Variants in TBC1D32 observed in about 807,000 individuals in gnomAD.
TBC1D32 encodes the protein protein broad-minded.
In TBC1D32, 151 loss-of-function variants were observed where a neutral mutation model predicts 170.3. That is an observed-to-expected ratio of 0.89 (90% CI 0.78 to 1.01). The LOEUF is 1.01. TBC1D32 is among the 50% of genes least tolerant of loss of function. TBC1D32 has a pLI of 0.00. For synonymous variants in TBC1D32, 498 were observed against 488.0 expected (o/e 1.02, Z -0.27); for missense variants, 1,464 against 1,457.1 (o/e 1.00, Z -0.08).
At chr6:121,156,923 C>A (rs1239543403) in intron 24 of TBC1D32, among the ~76,000 whole-genome samples, 1 of 151,954 alleles carries the variant, frequency 6.6e-6, no homozygotes, top group Non-Finnish European at 1.5e-5. Flanking sequence ...GTTTTATGGC[C>A]AAGCATATGG....
In TBC1D32 at chr6:121,224,196, G is replaced by C. The variant is rs148729701; in HGVS notation, c.2365-844C>G. Among the ~76,000 whole-genome samples the C allele has an allele frequency of 2.0e-5, 3 of 152,186 alleles. 1 individual carries two copies. The highest frequency in any genetic ancestry group is 4.4e-5 in the Non-Finnish European group (3 of 67,998). ...CACCTATACATACTTTTTTATCCTAGTAACACACTTCTCCTGCCCTCCACT... is the reference window on the plus strand; with the variant it reads ...CACCTATACATACTTTTTTATCCTACTAACACACTTCTCCTGCCCTCCACT... On this transcript the variant is annotated intron_variant, in intron 20 of 31. Coordinates refer to ENST00000398212, the MANE Select transcript of TBC1D32 (RefSeq NM_152730.6).
chr6:121,322,686 T>C (rs568772769), intron 1 of TBC1D32, among the ~76,000 whole-genome samples: 20 of 152,240 alleles, frequency 1.3e-4, no homozygotes, highest in Non-Finnish European at 2.6e-4. Context: ...TTCTACACTG[T>C]TGGTAGACTT....
intron 7 of TBC1D32, 47 bp downstream of exon 7, chr6:121,304,475 T>C: frequency 6.2e-7 from 1 of 1,602,100 alleles, no homozygotes; most frequent in Non-Finnish European, 8.5e-7. Flanking sequence ...TCCTCAAATA[T>C]AAAACTAAAT....
chr6:121,220,744 G>C (rs1794418501), intron 21 of TBC1D32, among the ~76,000 whole-genome samples: 1 of 149,954 alleles, frequency 6.7e-6, no homozygotes, highest in African/African-American at 2.5e-5. Context: ...AGGTTCGAGT[G>C]ATTCTCCTGC....
intron 24 of TBC1D32, among the ~76,000 whole-genome samples, chr6:121,154,035 G>A (rs1487658757): frequency 2.2e-5 from 1 of 45,168 alleles, no homozygotes; most frequent in African/African-American, 1.1e-4. Flanking sequence ...GAGACACTAG[G>A]GTACAAAAAA....
intron 20 of TBC1D32, among the ~76,000 whole-genome samples, chr6:121,224,728 C>G (rs1443749425): frequency 6.6e-6 from 1 of 152,034 alleles, no homozygotes. Flanking sequence ...TATCTCCTCC[C>G]TTAGTATGCC....
intron 30 of TBC1D32, among the ~76,000 whole-genome samples, chr6:121,098,489 G>C (rs755504025): frequency 1.3e-5 from 2 of 151,864 alleles, no homozygotes; most frequent in Admixed American, 1.3e-4. Context: ...ATTTCTCCAT[G>C]TGTCACACAA....
intron 15 of TBC1D32, among the ~76,000 whole-genome samples, chr6:121,276,190 T>G (rs1204024418): frequency 6.6e-6 from 1 of 151,656 alleles, no homozygotes; most frequent in Non-Finnish European, 1.5e-5. Flanking sequence ...AAGTAATTAT[T>G]GCAAAAAAGT....
At chr6:121,246,681 A>G (rs1332545983) in intron 17 of TBC1D32, among the ~76,000 whole-genome samples, 2 of 151,930 alleles carry the variant, frequency 1.3e-5, no homozygotes, top group Non-Finnish European at 2.9e-5. Context: ...AATAGATATA[A>G]TAAAGAAAAA....
At chr6:121,232,655 C>G (rs2128342894) in intron 20 of TBC1D32, among the ~76,000 whole-genome samples, 1 of 152,036 alleles carries the variant, frequency 6.6e-6, no homozygotes, top group Middle Eastern at 3.4e-3. Flanking sequence ...TAGGTATGTT[C>G]CTAAGTATTT....
At chr6:121,090,671 C>T (rs930111856) in intron 31 of TBC1D32, among the ~76,000 whole-genome samples, 182 bp downstream of exon 31, 4 of 152,056 alleles carry the variant, frequency 2.6e-5, no homozygotes, top group Admixed American at 1.3e-4. Flanking sequence ...TTTAGCTATA[C>T]GGTTTGGGGC....
chr6:121,247,695 CAA>C (rs34914027), intron 17 of TBC1D32, among the ~76,000 whole-genome samples: 13 of 46,568 alleles, frequency 2.8e-4, no homozygotes, highest in East Asian at 7.5e-4. Flanking sequence ...GGCTTTAAAG[CAA>C]AAAAAAAAAA....
At chr6:121,144,362 ATAGAC>A (rs1783157524) in intron 24 of TBC1D32, among the ~76,000 whole-genome samples, 1 of 152,178 alleles carries the variant, frequency 6.6e-6, no homozygotes, top group Non-Finnish European at 1.5e-5. Flanking sequence ...TGTGTTGAGA[ATAGAC>A]TAAACACTTG....
intron 14 of TBC1D32, among the ~76,000 whole-genome samples, chr6:121,279,992 G>C (rs1221284214): frequency 2.0e-5 from 3 of 151,744 alleles, no homozygotes; most frequent in African/African-American, 7.3e-5. Context: ...CGTAAATGTT[G>C]CAACCAACAC....
intron 22 of TBC1D32, among the ~76,000 whole-genome samples, chr6:121,168,360 C>T (rs892448629): frequency 1.4e-5 from 2 of 140,100 alleles, no homozygotes; most frequent in East Asian, 4.4e-4. Context: ...GGCACATATA[C>T]ACCATGGAAT....
intron 1 of TBC1D32, among the ~76,000 whole-genome samples, chr6:121,326,587 G>T (rs4318918): frequency 0.99 from 150,505 of 152,310 alleles, 74,398 homozygotes; most frequent in East Asian, 1. Flanking sequence ...TGTGGAAATC[G>T]GAATAACCTC....
At chr6:121,178,788 T>A (rs1788122907) in intron 22 of TBC1D32, among the ~76,000 whole-genome samples, 1 of 152,182 alleles carries the variant, frequency 6.6e-6, no homozygotes, top group Admixed American at 6.5e-5. Flanking sequence ...CAACTTTCAA[T>A]AGACAGCTGT....
In TBC1D32 at chr6:121,256,240, GAGA is replaced by G. The variant is rs1480259418; in HGVS notation, c.1776_1778del (p.Leu593del). ...CAGAAAATATAGAAATATCTTCATC[GAGA>G]AGTTTTTTCGAAAACTGGGCAATTA... On this transcript the variant is annotated inframe_deletion, in exon 16 of 32. Coordinates refer to ENST00000398212, the MANE Select transcript of TBC1D32 (RefSeq NM_152730.6). 2 of 1,613,410 alleles carry G rather than the reference GAGA, an allele frequency of 1.2e-6. No homozygotes were observed. Among genetic ancestry groups the G allele is most frequent in the Non-Finnish European group, 1.7e-6 (2 of 1,179,858 alleles).
chr6:121,308,633 T>C (rs893755025), intron 4 of TBC1D32, among the ~76,000 whole-genome samples: 1 of 151,484 alleles, frequency 6.6e-6, no homozygotes, highest in Non-Finnish European at 1.5e-5. Flanking sequence ...AAGTAAGTCT[T>C]TCAGCAGTGG....
Sources: gnomAD v4.1 joint callset for allele counts (sites outside exome capture counted in the v4.1 genomes callset) on GRCh38, gnomAD v4.1.1 for gene constraint, MANE v1.5 for transcripts, NCBI Gene and HGNC (gene_info 2026-07-23, HGNC 2026-07-21) for gene names.